CASZ1: variants seen among roughly 807,000 people sequenced by gnomAD.
CASZ1 encodes zinc finger protein castor homolog 1.
Under a neutral mutation model 135.2 loss-of-function variants are expected in CASZ1, and 28 were observed. The ratio of observed to expected loss-of-function variants is 0.21; its 90% CI spans 0.15 to 0.28. The LOEUF is 0.28. Ranked by LOEUF, CASZ1 falls within the 10% of genes least tolerant of loss-of-function variation. CASZ1 has a pLI of 1.00. For synonymous variants in CASZ1, 1,068 were observed against 1,073.4 expected, an observed-to-expected ratio of 0.99 and a Z score of 0.10; for missense variants, 2,161 against 2,453.3, an observed-to-expected ratio of 0.88 and a Z score of 2.52.
chr1:10,648,104 C>T lies in CASZ1; in HGVS notation c.3194G>A (p.Gly1065Glu). The T allele has an allele frequency of 6.4e-7, 1 of 1,555,792 alleles. No homozygotes were observed. Among genetic ancestry groups the T allele is most frequent in the South Asian group, 1.2e-5 (1 of 83,308 alleles). ...GGCCGGAAAGGCAGCCTCTGTGTTT[C>T]CTTTTGCTGCTCCTCCCTCTGTCCG... ...HFRTEGGAAK[G>E]NTEAAFPASA... is the part of the protein sequence containing the mutation. The change falls in exon 16 of 21, where the codon GGA (glycine) becomes GAA (glutamate). Residue 1065 changes from glycine to glutamate, a missense_variant. Gly to Glu is a moderately conservative substitution (Grantham distance 98). Around this residue, in one of 7 missense-constraint regions of CASZ1, gnomAD observed 349 missense variants for 460.8 expected, o/e 0.76. Coordinates refer to ENST00000377022, the MANE Select transcript of CASZ1 (RefSeq NM_001079843.3).
chr1:10,772,078 A>C (rs1640587159), intron 1 of CASZ1, among the ~76,000 whole-genome samples: 1 of 152,076 alleles, frequency 6.6e-6, no homozygotes, highest in African/African-American at 2.4e-5. Context: ...ACCTGGGGGG[A>C]GCCTGCAGGA....
intron 1 of CASZ1, among the ~76,000 whole-genome samples, chr1:10,761,072 C>A (rs1171177442): frequency 6.6e-6 from 1 of 152,250 alleles, no homozygotes; most frequent in Non-Finnish European, 1.5e-5. Flanking sequence ...ACCCTTCGCA[C>A]AATTATTAGC....
At chr1:10,740,339 T>G (rs549533215) in intron 2 of CASZ1, among the ~76,000 whole-genome samples, 2 of 152,270 alleles carry the variant, frequency 1.3e-5, no homozygotes, top group South Asian at 4.1e-4. Context: ...GCACAGCCCC[T>G]CCCACTAATC....
chr1:10,680,265 C>A (rs1454893032), intron 4 of CASZ1, among the ~76,000 whole-genome samples: 1 of 13,264 alleles, frequency 7.5e-5, no homozygotes, highest in Non-Finnish European at 1.7e-4. Context: ...CTGGATGGCA[C>A]GGGGCGGGGC....
rs1297930189 is a variant in CASZ1 at position 10,653,767 on chromosome 1, C to T, written c.2290G>A (p.Ala764Thr). ...ATAATEAGPS[A>T]TKPPNSKISG... ...ATCTTGCTGTTGGGAGGTTTGGTGG[C>T]ACTGGGCCCAGCCTCGGTGGCGGCA... The change falls in exon 11 of 21, where the codon GCC becomes ACC. Residue 764 changes from alanine to threonine, a missense_variant. Physicochemically the swap from Ala to Thr is moderately conservative, Grantham distance 58. Coordinates refer to ENST00000377022, the MANE Select transcript of CASZ1 (RefSeq NM_001079843.3). 6.2e-7 allele frequency: 1 copy of T among 1,610,860 alleles called. No individual in the cohort carries two copies.
intron 2 of CASZ1, among the ~76,000 whole-genome samples, chr1:10,715,012 G>A (rs1639352103): frequency 6.6e-6 from 1 of 152,198 alleles, no homozygotes; most frequent in Non-Finnish European, 1.5e-5. Flanking sequence ...CCTTGGTCCA[G>A]GTTCCCTTCC....
In CASZ1 at chr1:10,642,877, T is replaced by A; in HGVS notation, c.4144A>T (p.Asn1382Tyr). The A allele has an allele frequency of 6.2e-7, 1 of 1,612,874 alleles. No homozygotes were observed. The change falls in exon 20 of 21, where the codon AAC (asparagine) becomes TAC (tyrosine). Residue 1382 changes from asparagine (N) to tyrosine (Y), a missense_variant. Around this residue, in one of 7 missense-constraint regions of CASZ1, gnomAD observed 143 missense variants for 128.3 expected, o/e 1.11. Coordinates refer to ENST00000377022, the MANE Select transcript of CASZ1 (RefSeq NM_001079843.3). ...DRSCSSTPVG[N>Y]ESTAAGNTIS... is the part of the protein sequence containing the mutation. Reference sequence around the variant, plus strand: ...CGCTCACCTGCCGCGGTGCTCTCGTTACCCACGGGGGTGCTGGAGCAGCTC... The same window carrying A: ...CGCTCACCTGCCGCGGTGCTCTCGTAACCCACGGGGGTGCTGGAGCAGCTC...
chr1:10,645,180 CAT>C (rs998626626), intron 17 of CASZ1, 92 bp from the exon 18 acceptor site: 33 of 1,083,408 alleles, frequency 3.0e-5, no homozygotes, highest in Non-Finnish European at 4.4e-5. Flanking sequence ...GCCCTTGGCA[CAT>C]GTGTTCTTCT....
Position 10,724,494 on chromosome 1 carries a change from G to A in CASZ1, c.-76-18950C>T, listed in dbSNP as rs1318509499. On this transcript the variant is annotated intron_variant, in intron 2 of 20. Coordinates refer to ENST00000377022, the MANE Select transcript of CASZ1 (RefSeq NM_001079843.3). This position sits in a 1 kb window ranked among gnomAD's most constrained non-coding sequence, Gnocchi z 4.1. Reference sequence around the variant, plus strand: ...CTGTCAGCCACCCCAGGCATGTCGGGAGCTAGAACAGTCCTGGTGGAGATT... The same window carrying A: ...CTGTCAGCCACCCCAGGCATGTCGGAAGCTAGAACAGTCCTGGTGGAGATT... Among the ~76,000 whole-genome samples, 1 of 152,220 alleles carries A rather than the reference G, an allele frequency of 6.6e-6. No individual in the cohort carries two copies. The highest frequency in any genetic ancestry group is 2.4e-5 in the African/African-American group (1 of 41,450).
chr1:10,705,927 G>A (rs1639162291), intron 2 of CASZ1, among the ~76,000 whole-genome samples: 2 of 152,266 alleles, frequency 1.3e-5, no homozygotes, highest in Non-Finnish European at 2.9e-5. Flanking sequence ...CAGCGGCCTA[G>A]CAGGGATGCC....
Position 10,636,850 on chromosome 1 carries a change from CTATA to C in CASZ1, c.*2088_*2091del, listed in dbSNP as rs1466697127. On this transcript the variant is annotated 3_prime_UTR_variant, in exon 21 of 21. Transcript: ENST00000377022. Reference sequence around the variant, plus strand: ...TGTCTCAAAACCTCTCTATATATCTCTATATATCTATATATGTATATACATATAG... The same window carrying C: ...TGTCTCAAAACCTCTCTATATATCTCTATCTATATATGTATATACATATAG... 6.6e-6 allele frequency: 1 copy of C among 151,548 alleles called. No homozygotes were observed. Among genetic ancestry groups the C allele is most frequent in the Non-Finnish European group, 1.5e-5 (1 of 67,838 alleles). 9.4% of individuals were successfully genotyped at this position (151,548 alleles called of 1,614,324 possible). A position where few individuals can be genotyped will look rare whatever the true frequency, so the allele number is the denominator to read the frequency against.
At chr1:10,743,659 C>A (rs1570548997) in intron 2 of CASZ1, among the ~76,000 whole-genome samples, 1 of 79,412 alleles carries the variant, frequency 1.3e-5, no homozygotes, top group Non-Finnish European at 2.2e-5. Context: ...TGACAGTCTC[C>A]AAAATGGGGG....
At position 10,727,644 on chromosome 1, in the gene CASZ1, G is replaced by A. The variant is rs1639621631; in HGVS notation, c.-76-22100C>T. ...GCCAGGAGTTACAATAGGAACTTCTGCCTTCCCACCATGTCCAGGAAGAAA... is the reference window on the plus strand; with the variant it reads ...GCCAGGAGTTACAATAGGAACTTCTACCTTCCCACCATGTCCAGGAAGAAA... On this transcript the variant is annotated intron_variant, in intron 2 of 20. Coordinates refer to ENST00000377022, the MANE Select transcript of CASZ1 (RefSeq NM_001079843.3). The surrounding 1 kb of genome is among the most constrained non-coding windows in gnomAD (Gnocchi z 5.3). 6.6e-6 allele frequency among the ~76,000 whole-genome samples: 1 copy of A among 152,190 alleles called. No individual in the cohort carries two copies. The highest frequency in any genetic ancestry group is 1.5e-5 in the Non-Finnish European group (1 of 68,030).
chr1:10,641,822 C>T (rs1642210216), intron 20 of CASZ1, among the ~76,000 whole-genome samples: 1 of 152,156 alleles, frequency 6.6e-6, no homozygotes, highest in African/African-American at 2.4e-5. Context: ...CTCTGGCCTG[C>T]CCAGCACTGA....
rs748445376 is a variant in CASZ1 at position 10,665,334 on chromosome 1, C to T, written c.254G>A (p.Arg85Gln). Residue 85 changes from arginine (R) to glutamine (Q), a missense_variant, in exon 5 of 21, where the codon CGG becomes CAG. Around this residue, in one of 7 missense-constraint regions of CASZ1, gnomAD observed 590 missense variants for 609.8 expected, o/e 0.97. Transcript: ENST00000377022. ...RAPRSEEDKR[R>Q]AVIEKWVNGE... is the part of the protein sequence containing the mutation. ...GTTCACCCACTTCTCGATCACTGCC[C>T]GTCTCTTGTCTTCCTCGCTGCGGGG... 26 of 1,612,070 alleles carry T rather than the reference C, an allele frequency of 1.6e-5. No homozygotes were observed. The highest frequency in any genetic ancestry group is 1.6e-4 in the Middle Eastern group (1 of 6,078).
intron 4 of CASZ1, among the ~76,000 whole-genome samples, chr1:10,692,178 G>A (rs765151992): frequency 1.1e-4 from 16 of 152,214 alleles, no homozygotes; most frequent in Admixed American, 9.8e-4. Context: ...CTGTCCCCAC[G>A]ACAGACTTGG....
At chr1:10,648,885 C>T (rs561322345) in intron 15 of CASZ1, 185 bp downstream of exon 15, 59 of 771,124 alleles carry the variant, frequency 7.7e-5, no homozygotes, top group Non-Finnish European at 9.3e-5. Context: ...TCAGAGCCCC[C>T]GGCTGAGGGC....
Position 10,659,412 on chromosome 1 carries a change from T to TG in CASZ1, c.1340+289dup, listed in dbSNP as rs528690478. 1.2e-4 allele frequency among the ~76,000 whole-genome samples: 18 copies of TG among 151,726 alleles called. No individual in the cohort carries two copies. In the East Asian group the frequency reaches 3.1e-3, roughly 26 times the overall value. ...TGTGGGCGTGTGTGGGTGGCGTGTG[T>TG]GGGGGGCGTGTGCGAGGTGCACGCG... is the stretch of plus-strand genomic sequence containing the variant. On this transcript the variant is annotated intron_variant, in intron 6 of 20. Coordinates refer to ENST00000377022, the MANE Select transcript of CASZ1 (RefSeq NM_001079843.3).
At chr1:10,643,565 C>A (rs1340867810) in intron 18 of CASZ1, among the ~76,000 whole-genome samples, 1 of 152,236 alleles carries the variant, frequency 6.6e-6, no homozygotes, top group Admixed American at 6.5e-5. Flanking sequence ...GGCCCCCATC[C>A]CCTGGCTCAC....
Sources: gnomAD v4.1 joint callset for allele counts (sites outside exome capture counted in the v4.1 genomes callset) on GRCh38, gnomAD v4.1.1 for gene constraint, gnomAD v4.1.1 regional missense constraint, Gnocchi (gnomAD v3.1) non-coding constraint, MANE v1.5 for transcripts, NCBI Gene and HGNC (gene_info 2026-07-23, HGNC 2026-07-21) for gene names.